The following MSI2 variants were observed in gnomAD, a reference collection of about 807,000 sequenced individuals.
MSI2 encodes the protein musashi RNA binding protein 2.
MSI2 carries 17 observed loss-of-function variants against 45.6 expected under a neutral mutation model. That is an observed-to-expected ratio of 0.37 (90% CI 0.26 to 0.56). The LOEUF (loss-of-function observed/expected upper bound fraction) is 0.56, where lower values mean the gene tolerates loss of function less well. MSI2 is among the 20% of genes least tolerant of loss of function. The probability of loss-of-function intolerance (pLI) is 0.77; values close to 1 mark genes in which losing one functional copy is unlikely to be tolerated. For synonymous variants in MSI2, 156 were observed against 158.2 expected, an observed-to-expected ratio of 0.99 and a Z score of 0.11; for missense variants, 293 against 444.2, an observed-to-expected ratio of 0.66 and a Z score of 3.06.
chr17:57,457,460 A>G (rs564019264), intron 6 of MSI2, among the ~76,000 whole-genome samples: 2 of 152,356 alleles, frequency 1.3e-5, no homozygotes, highest in East Asian at 3.8e-4. Context: ...AAGGTAGGTA[A>G]TGATTCCTTA....
At chr17:57,447,585 T>G (rs980215031) in intron 6 of MSI2, among the ~76,000 whole-genome samples, 1 of 145,796 alleles carries the variant, frequency 6.9e-6, no homozygotes, top group Non-Finnish European at 1.5e-5. Flanking sequence ...TGGAGTGGCA[T>G]GGGTGGGGGG....
chr17:57,390,736 G>A (rs895233813), intron 5 of MSI2, among the ~76,000 whole-genome samples: 1 of 152,218 alleles, frequency 6.6e-6, no homozygotes, highest in African/African-American at 2.4e-5. Flanking sequence ...TGTTGCTGAT[G>A]AGAACAGGCC....
chr17:57,329,150 T>C (rs1719058867), intron 5 of MSI2, among the ~76,000 whole-genome samples: 1 of 152,080 alleles, frequency 6.6e-6, no homozygotes, highest in African/African-American at 2.4e-5. Flanking sequence ...GATGCTGGGA[T>C]TGTGTGTTGT....
At chr17:57,465,370 C>A (rs547848241) in intron 6 of MSI2, among the ~76,000 whole-genome samples, 1 of 151,954 alleles carries the variant, frequency 6.6e-6, no homozygotes, top group South Asian at 2.1e-4. Flanking sequence ...ATTGCAGACA[C>A]CTCTCTCAAA....
intron 6 of MSI2, among the ~76,000 whole-genome samples, chr17:57,411,809 C>G (rs2084201970): frequency 6.6e-6 from 1 of 151,986 alleles, no homozygotes. Context: ...GAGTTTGAGA[C>G]CAGCCTGGCC....
In MSI2 at chr17:57,679,619, G is replaced by A; in HGVS notation, c.*102G>A. On this transcript the variant is annotated 3_prime_UTR_variant, in exon 14 of 14. Coordinates refer to ENST00000284073, the MANE Select transcript of MSI2 (RefSeq NM_138962.4). Reference sequence around the variant, plus strand: ...GCCCTTTGTTTAGGTGATGTCCTCAGACCTGGACCCCCACCAGCCTCACTC... The same window carrying A: ...GCCCTTTGTTTAGGTGATGTCCTCAAACCTGGACCCCCACCAGCCTCACTC... The A allele has an allele frequency of 9.4e-7, 1 of 1,063,886 alleles. No homozygotes were observed. Among genetic ancestry groups the A allele is most frequent in the Non-Finnish European group, 1.1e-6 (1 of 878,142 alleles). The allele number at this position is 1,063,886 out of a possible 1,614,324, so 65.9% of individuals were successfully genotyped here. A position where few individuals can be genotyped will look rare whatever the true frequency, so the allele number is the denominator to read the frequency against.
chr17:57,401,516 C>CTTCTTAGGACTG, intron 6 of MSI2, 45 bp downstream of exon 6: 1 of 1,513,930 alleles, frequency 6.6e-7, no homozygotes, highest in Non-Finnish European at 9.2e-7. Flanking sequence ...GAAGTAGCCT[C>CTTCTTAGGACTG]ATCAGTCCTA....
chr17:57,679,623 T>C lies in MSI2; in HGVS notation c.*106T>C, dbSNP rs536095222. ...TTTGTTTAGGTGATGTCCTCAGACCTGGACCCCCACCAGCCTCACTCCCCA... is the reference window on the plus strand; with the variant it reads ...TTTGTTTAGGTGATGTCCTCAGACCCGGACCCCCACCAGCCTCACTCCCCA... On this transcript the variant is annotated 3_prime_UTR_variant, in exon 14 of 14. Coordinates refer to ENST00000284073, the MANE Select transcript of MSI2 (RefSeq NM_138962.4). 1 of 1,063,738 alleles carries C rather than the reference T, an allele frequency of 9.4e-7. No homozygotes were observed. Among genetic ancestry groups the C allele is most frequent in the Non-Finnish European group, 1.1e-6 (1 of 878,002 alleles). The allele number at this position is 1,063,738 out of a possible 1,614,324, so 65.9% of individuals were successfully genotyped here.
chr17:57,654,856 C>T (rs1016984736), intron 11 of MSI2, among the ~76,000 whole-genome samples: 3 of 151,792 alleles, frequency 2.0e-5, no homozygotes, highest in African/African-American at 7.3e-5. Flanking sequence ...AGGGATCAGA[C>T]ATCATCCTAT....
chr17:57,354,285 A>G (rs1345406483), intron 5 of MSI2, among the ~76,000 whole-genome samples: 1 of 152,146 alleles, frequency 6.6e-6, no homozygotes, highest in Non-Finnish European at 1.5e-5. Flanking sequence ...TTTGGTGTGG[A>G]AAGTGTAAGG....
intron 6 of MSI2, chr17:57,450,269 AAGAAAGAAAG>A (rs1159948527): frequency 1.8e-5 from 2 of 110,770 alleles, no homozygotes; most frequent in African/African-American, 3.5e-5. Flanking sequence ...GAAAGAAAGA[AAGAAAGAAAG>A]AAAGAAAGAA....
At position 57,256,624 on chromosome 17, in the gene MSI2, G is replaced by GGGGGGAGGAGGA. The variant is rs1567719874; in HGVS notation, c.-107_-96dup. 3 of 457,364 alleles carry GGGGGGAGGAGGA rather than the reference G, an allele frequency of 6.6e-6. No individual in the cohort carries two copies. Among genetic ancestry groups the GGGGGGAGGAGGA allele is most frequent in the South Asian group, 5.0e-5 (1 of 20,050 alleles). 28.3% of individuals were successfully genotyped at this position (457,364 alleles called of 1,614,324 possible). The stretch of plus-strand genomic sequence containing the variant: ...AGAGAGATTCGGAGGAGCCCGGGCG[G>GGGGGGAGGAGGA]GGGGGAGGAGGAGGGGGAGGAGGGA... On this transcript the variant is annotated 5_prime_UTR_variant, in exon 1 of 14. Transcript: ENST00000284073.
intron 6 of MSI2, among the ~76,000 whole-genome samples, chr17:57,417,125 C>T (rs17221196): frequency 0.088 from 13,358 of 152,254 alleles, 699 homozygotes; most frequent in East Asian, 0.27. Flanking sequence ...TCAGCTGACT[C>T]GGCTGTTCCC....
intron 11 of MSI2, among the ~76,000 whole-genome samples, chr17:57,667,696 A>AT (rs1912470547): frequency 6.6e-6 from 1 of 152,174 alleles, no homozygotes; most frequent in Non-Finnish European, 1.5e-5. Context: ...CCTTGGCCTC[A>AT]TGACAAAAGC....
rs116121183 is a variant in MSI2, at chr17:57,339,846, A to T, written c.313-61533A>T. On this transcript the variant is annotated intron_variant, in intron 5 of 13. Transcript: ENST00000284073. ...TTCCCATGGTCTGTGCTTAGGGTGTATTCTGGGCCATGGCCTCCTGGAAAA... is the reference window on the plus strand; with the variant it reads ...TTCCCATGGTCTGTGCTTAGGGTGTTTTCTGGGCCATGGCCTCCTGGAAAA... Among the ~76,000 whole-genome samples, 928 of 152,184 alleles carry T rather than the reference A, an allele frequency of 6.1e-3. 8 individuals are homozygous for T. The highest frequency in any genetic ancestry group is 0.021 in the African/African-American group (882 of 41,520).
chr17:57,543,076 T>A (rs566848537), intron 7 of MSI2, among the ~76,000 whole-genome samples: 2 of 152,180 alleles, frequency 1.3e-5, no homozygotes, highest in East Asian at 3.9e-4. Flanking sequence ...GAATGGTTCC[T>A]ACTCAATGCT....
chr17:57,581,124 T>G (rs1352114426), intron 7 of MSI2, among the ~76,000 whole-genome samples: 1 of 149,566 alleles, frequency 6.7e-6, no homozygotes, highest in Non-Finnish European at 1.5e-5. Context: ...GCGATTCTCC[T>G]GCCTCAGCCT....
chr17:57,558,582 C>T (rs1192516114), intron 7 of MSI2, among the ~76,000 whole-genome samples: 3 of 152,136 alleles, frequency 2.0e-5, no homozygotes, highest in Non-Finnish European at 4.4e-5. Context: ...AACAGAAAAC[C>T]ACGACTCTAA....
chr17:57,610,019 G>A (rs920526744), intron 8 of MSI2, among the ~76,000 whole-genome samples: 1 of 152,174 alleles, frequency 6.6e-6, no homozygotes, highest in African/African-American at 2.4e-5. Flanking sequence ...GGTCATTATC[G>A]GGTCCGCTGG....
Sources: gnomAD v4.1 joint callset for allele counts (sites outside exome capture counted in the v4.1 genomes callset) on GRCh38, gnomAD v4.1.1 for gene constraint, MANE v1.5 for transcripts, NCBI Gene and HGNC (gene_info 2026-07-23, HGNC 2026-07-21) for gene names.